The following SPART variants were observed in gnomAD, a reference collection of about 807,000 sequenced individuals.
SPART encodes the protein spastic paraplegia 20 (Troyer syndrome).
SPART carries 35 observed loss-of-function variants against 58.7 expected under a neutral mutation model. The ratio of observed to expected loss-of-function variants is 0.60; its 90% CI spans 0.46 to 0.79. SPART has a LOEUF of 0.79. SPART is among the 30% of genes least tolerant of loss of function. The pLI is 0.00. For missense variants in SPART, 730 were observed against 786.1 expected, an observed-to-expected ratio of 0.93 and a Z score of 0.85; for synonymous variants, 284 against 280.7, an observed-to-expected ratio of 1.01 and a Z score of -0.12.
intron 1 of SPART, among the ~76,000 whole-genome samples, chr13:36,356,443 C>T (rs1885626460): frequency 6.6e-6 from 1 of 152,202 alleles, no homozygotes; most frequent in African/African-American, 2.4e-5. Flanking sequence ...AAGTCTACCA[C>T]CTGAAGGCTT....
rs1394894892 is a variant in SPART, at chr13:36,302,956, G to C, written c.*1409C>G. The stretch of plus-strand genomic sequence containing the variant: ...TTAAGTTTGATTATTGTAATTTTTA[G>C]CTCCCACAAATGAGAATATATGAAG... On this transcript the variant is annotated 3_prime_UTR_variant, in exon 9 of 9. Coordinates refer to ENST00000438666, the MANE Select transcript of SPART (RefSeq NM_015087.5). 1 of 151,862 alleles carries C rather than the reference G, an allele frequency of 6.6e-6. No homozygotes were observed. The highest frequency in any genetic ancestry group is 1.9e-4 in the East Asian group (1 of 5,172). 9.4% of individuals were successfully genotyped at this position (151,862 alleles called of 1,614,324 possible).
Position 36,335,041 on chromosome 13 carries a change from G to T in SPART, c.790C>A (p.Arg264Ser). The T allele has an allele frequency of 1.9e-6, 3 of 1,613,916 alleles. No individual in the cohort carries two copies. Among genetic ancestry groups the T allele is most frequent in the Non-Finnish European group, 2.5e-6 (3 of 1,179,962 alleles). The stretch of plus-strand genomic sequence containing the variant: ...CTTACCTGAAGAAACCCGGGAGGAC[G>T]GTTTAGAACCGTATCGAGAGAATTA... ...LDNSLDTVLNRPPGFLQVCDW... is the reference protein window; with the variant it reads ...LDNSLDTVLNSPPGFLQVCDW... The change falls in exon 2 of 9, where the codon CGT becomes AGT. Residue 264 changes from arginine (R) to serine (S), a missense_variant. Coordinates refer to ENST00000438666, the MANE Select transcript of SPART (RefSeq NM_015087.5).
chr13:36,369,820 A>T (rs888881054), intron 1 of SPART, among the ~76,000 whole-genome samples: 2 of 152,122 alleles, frequency 1.3e-5, no homozygotes, highest in South Asian at 2.1e-4. Context: ...TGAACTCCAC[A>T]CTGTAGGAAG....
rs189618640 is a variant in SPART at position 36,335,332 on chromosome 13, G to A, written c.499C>T (p.Pro167Ser). 5.4e-5 allele frequency: 87 copies of A among 1,614,008 alleles called. 1 individual carries two copies. Among genetic ancestry groups the A allele is most frequent in the Non-Finnish European group, 1.1e-5 (13 of 1,179,954 alleles). The change falls in exon 2 of 9, where the codon CCA becomes TCA. Residue 167 changes from proline to serine, a missense_variant. By Grantham distance (74) the Pro-to-Ser change is moderately conservative. Coordinates refer to ENST00000438666, the MANE Select transcript of SPART (RefSeq NM_015087.5). ...ASLSLPSQSC[P>S]AEAPPAYTPQ... ...GTATAAGCAGGAGGAGCTTCTGCTG[G>A]ACAACTTTGTGATGGTAAAGACAGA...
At chr13:36,322,417 G>A (rs188750627) in intron 5 of SPART, among the ~76,000 whole-genome samples, 1 of 150,000 alleles carries the variant, frequency 6.7e-6, no homozygotes, top group East Asian at 1.9e-4. Context: ...ACTGCACTCC[G>A]ACTTGGGTAA....
chr13:36,306,539 A>G (rs188998802), intron 8 of SPART, among the ~76,000 whole-genome samples: 26 of 152,110 alleles, frequency 1.7e-4, no homozygotes, highest in Admixed American at 4.6e-4. Flanking sequence ...CCATATTCAC[A>G]AACTTCCACT....
chr13:36,347,951 C>T (rs927305210), upstream of SPART, among the ~76,000 whole-genome samples: 3 of 152,078 alleles, frequency 2.0e-5, no homozygotes, highest in Non-Finnish European at 4.4e-5. Context: ...ACTCATATTT[C>T]CGTTCCATAT....
rs749028536 is a variant in SPART at position 36,335,494 on chromosome 13, A to G, written c.337T>C (p.Leu113=). 1.2e-5 allele frequency: 20 copies of G among 1,614,006 alleles called. No homozygotes were observed. The highest frequency in any genetic ancestry group is 8.0e-5 in the African/African-American group (6 of 74,922). Residue 113 remains leucine (L), a synonymous_variant, in exon 2 of 9, where the codon TTA becomes CTA. Coordinates refer to ENST00000438666, the MANE Select transcript of SPART (RefSeq NM_015087.5). ...TCTTTAGGTGGAAATTCTGGATATA[A>G]CTTGGGCACCTCCTGAAGATCATTC... ...LQNDLQEVPK[L]YPEFPPKDMC...
In SPART at chr13:36,335,431, A is replaced by C; in HGVS notation, c.400T>G (p.Ser134Ala). The change falls in exon 2 of 9, where the codon TCA becomes GCA. Residue 134 changes from serine (S) to alanine (A), a missense_variant. Ser to Ala is a moderately conservative substitution (Grantham distance 99, BLOSUM62 1). Coordinates refer to ENST00000438666, the MANE Select transcript of SPART (RefSeq NM_015087.5). ...EKLPEPQSFS[S>A]APQHAEVNGN... is the part of the protein sequence containing the mutation. The stretch of plus-strand genomic sequence containing the variant: ...TTTACTTCAGCATGCTGAGGAGCTG[A>C]ACTAAAAGACTGAGGCTCTGGTAAT... The C allele has an allele frequency of 6.2e-7, 1 of 1,614,114 alleles. No homozygotes were observed.
chr13:36,363,415 C>CT (rs1885942492), intron 1 of SPART, among the ~76,000 whole-genome samples: 2 of 152,098 alleles, frequency 1.3e-5, no homozygotes, highest in South Asian at 4.1e-4. Flanking sequence ...CTCTCTCTCT[C>CT]TCTGAACTCT....
chr13:36,362,037 G>A (rs540056897), intron 1 of SPART, among the ~76,000 whole-genome samples: 1 of 152,252 alleles, frequency 6.6e-6, no homozygotes, highest in African/African-American at 2.4e-5. Flanking sequence ...TGCAGTCCTT[G>A]TACTAGACCC....
intron 8 of SPART, 24 bp from the exon 9 acceptor site, chr13:36,304,656 A>G (rs755421991): frequency 6.2e-7 from 1 of 1,609,642 alleles, no homozygotes. Context: ...ATTAGAGGAC[A>G]TACAATGAAA....
At chr13:36,349,969 A>G (rs1885349147), upstream of SPART, among the ~76,000 whole-genome samples, 1 of 152,224 alleles carries the variant, frequency 6.6e-6, no homozygotes, top group Non-Finnish European at 1.5e-5. Context: ...AGGCCATTCA[A>G]ACTGTGAAAG....
At chr13:36,329,898 T>C (rs1316226132) in intron 3 of SPART, among the ~76,000 whole-genome samples, 2 of 152,216 alleles carry the variant, frequency 1.3e-5, no homozygotes, top group Admixed American at 1.3e-4. Flanking sequence ...CTCATGTCCA[T>C]TTCATTATGC....
chr13:36,347,288 G>T (rs1885207721), upstream of SPART, among the ~76,000 whole-genome samples: 1 of 152,000 alleles, frequency 6.6e-6, no homozygotes, highest in Admixed American at 6.6e-5. Flanking sequence ...GCATGATCTC[G>T]GCTCACTGCA....
intron 1 of SPART, among the ~76,000 whole-genome samples, chr13:36,341,437 CT>C (rs1028403177): frequency 4.0e-5 from 6 of 151,866 alleles, no homozygotes; most frequent in Admixed American, 1.3e-4. Flanking sequence ...TTTTAGCTTT[CT>C]TTTTTTTGGT....
chr13:36,322,588 G>T (rs1882521777), intron 5 of SPART, among the ~76,000 whole-genome samples: 1 of 152,154 alleles, frequency 6.6e-6, no homozygotes, highest in Non-Finnish European at 1.5e-5. Flanking sequence ...TGAGAAATAT[G>T]AGTTTAAAAC....
At chr13:36,322,123 AG>A (rs1882474350) in intron 5 of SPART, among the ~76,000 whole-genome samples, 1 of 152,072 alleles carries the variant, frequency 6.6e-6, no homozygotes, top group Non-Finnish European at 1.5e-5. Context: ...ACCTGCACCC[AG>A]GTGAAATAAA....
chr13:36,328,883 G>C (rs1883195013), intron 4 of SPART, among the ~76,000 whole-genome samples: 1 of 152,094 alleles, frequency 6.6e-6, no homozygotes, highest in Non-Finnish European at 1.5e-5. Context: ...AGTGAATATA[G>C]GAAGGCAGAG....
Sources: gnomAD v4.1 joint callset for allele counts (sites outside exome capture counted in the v4.1 genomes callset) on GRCh38, gnomAD v4.1.1 for gene constraint, MANE v1.5 for transcripts, NCBI Gene and HGNC (gene_info 2026-07-23, HGNC 2026-07-21) for gene names.